ANKRD11: variants seen among roughly 807,000 people sequenced by gnomAD.
ANKRD11 encodes the protein ankyrin repeat domain-containing protein 11.
A neutral mutation model predicts 195.7 loss-of-function variants in ANKRD11; 17 were observed. The observed-to-expected ratio is 0.09, with a 90% CI of 0.06 to 0.13. ANKRD11 has a LOEUF of 0.13. Among genes scored for constraint, ANKRD11 ranks in the 10% least tolerant of loss-of-function variants. ANKRD11 has a pLI of 1.00. For missense variants in ANKRD11, 3,735 were observed against 3,566.1 expected, an observed-to-expected ratio of 1.05 and a Z score of -1.21; for synonymous variants, 1,953 against 1,528.1, an observed-to-expected ratio of 1.28 and a Z score of -6.49.
Position 89,314,090 on chromosome 16 carries a change from G to A in ANKRD11, c.87+2843C>T, listed in dbSNP as rs992494879. On this transcript the variant is annotated intron_variant, in intron 3 of 12. Coordinates refer to ENST00000301030, the MANE Select transcript of ANKRD11 (RefSeq NM_013275.6). Reference sequence around the variant, plus strand: ...GATACAAAAATGAGCCGGGTGTAGCGGTCTGCTCCTGTGGTCCCAGCTGCA... The same window carrying A: ...GATACAAAAATGAGCCGGGTGTAGCAGTCTGCTCCTGTGGTCCCAGCTGCA... 3.9e-5 allele frequency among the ~76,000 whole-genome samples: 6 copies of A among 152,192 alleles called. No homozygotes were observed. In the East Asian group the frequency reaches 7.7e-4, roughly 20 times the overall value.
In ANKRD11 at chr16:89,490,512, TC is replaced by T; in HGVS notation, c.-413del. The T allele has an allele frequency of 8.5e-6, 4 of 469,868 alleles. No homozygotes were observed. The highest frequency in any genetic ancestry group is 3.4e-5 in the South Asian group (1 of 29,696). 29.1% of individuals were successfully genotyped at this position (469,868 alleles called of 1,614,324 possible). A position where few individuals can be genotyped will look rare whatever the true frequency, so the allele number is the denominator to read the frequency against. On this transcript the variant is annotated 5_prime_UTR_variant, in exon 1 of 13. The change abolishes the stop of an existing upstream ORF in the 5' untranslated region. Transcript: ENST00000301030. Reference sequence around the variant, plus strand: ...TGGCCGCGGGCTCGGCGGCGGCGCCTCCCCGGCTGGGGCCCTCGGTCCATCG... The same window carrying T: ...TGGCCGCGGGCTCGGCGGCGGCGCCTCCCGGCTGGGGCCCTCGGTCCATCG...
At chr16:89,351,233 C>T (rs1391712344) in intron 2 of ANKRD11, among the ~76,000 whole-genome samples, 1 of 152,144 alleles carries the variant, frequency 6.6e-6, no homozygotes, top group Non-Finnish European at 1.5e-5. Context: ...AGGGGTTCCA[C>T]GGCAAAGAAT....
chr16:89,300,679 C>T (rs1489008011), intron 4 of ANKRD11: 4 of 537,594 alleles, frequency 7.4e-6, no homozygotes, highest in African/African-American at 2.0e-5. Context: ...CAGCCGTCTC[C>T]TATCTGAGGC....
intron 2 of ANKRD11, among the ~76,000 whole-genome samples, chr16:89,394,097 C>A (rs562565309): frequency 9.5e-4 from 144 of 152,274 alleles, no homozygotes; most frequent in African/African-American, 3.2e-3. Flanking sequence ...GAGACTCCAC[C>A]CATCACAGTC....
chr16:89,427,682 C>T (rs1034495851), intron 1 of ANKRD11, among the ~76,000 whole-genome samples: 3 of 151,650 alleles, frequency 2.0e-5, no homozygotes, highest in African/African-American at 4.8e-5. Flanking sequence ...GCCTGTAATC[C>T]CAGCTACTTG....
rs562839386 is a variant in ANKRD11 at position 89,284,871 on chromosome 16, C to T, written c.1671G>A (p.Pro557=). Residue 557 remains proline (P), a synonymous_variant, in exon 9 of 13, where the codon CCG becomes CCA. Transcript: ENST00000301030. ...RTDNWKTISS[P]AWSEVSSLSD... is the part of the protein sequence containing the mutation. ...ATAAAGAACTGACCTCTGACCAAGC[C>T]GGGGAAGAAATGGTTTTCCAATTGT... is the stretch of plus-strand genomic sequence containing the variant. 1.6e-4 allele frequency: 265 copies of T among 1,614,088 alleles called. 2 individuals are homozygous for T. In the South Asian group the frequency reaches 2.5e-3, roughly 15 times the overall value.
chr16:89,330,466 G>A (rs1020255136), intron 2 of ANKRD11, among the ~76,000 whole-genome samples: 6 of 152,092 alleles, frequency 3.9e-5, no homozygotes, highest in Non-Finnish European at 8.8e-5. Flanking sequence ...GCACAGACAC[G>A]GCTGCGGATG....
intron 1 of ANKRD11, chr16:89,458,747 C>G (rs1004741043): frequency 6.6e-6 from 1 of 152,216 alleles, no homozygotes; most frequent in Admixed American, 6.5e-5. Context: ...GTAACCAAAA[C>G]TTGATTTAAC....
At chr16:89,330,753 G>A (rs931887915) in intron 2 of ANKRD11, among the ~76,000 whole-genome samples, 2 of 148,148 alleles carry the variant, frequency 1.3e-5, no homozygotes, top group Non-Finnish European at 3.0e-5. Context: ...GTTCCTCCTC[G>A]GCGAGTTCCA....
chr16:89,487,645 G>A (rs1000137465), intron 1 of ANKRD11, among the ~76,000 whole-genome samples: 1 of 151,802 alleles, frequency 6.6e-6, no homozygotes, highest in African/African-American at 2.4e-5. Flanking sequence ...GTGGCGGTGG[G>A]CGCCTGTAAT....
At chr16:89,471,831 A>C (rs922702687) in intron 1 of ANKRD11, among the ~76,000 whole-genome samples, 9 of 151,156 alleles carry the variant, frequency 6.0e-5, no homozygotes, top group Non-Finnish European at 7.4e-5. Flanking sequence ...TTTACCACCC[A>C]AATCAACTCA....
rs757615498 is a variant in ANKRD11 at position 89,279,971 on chromosome 16, G to A, written c.6571C>T (p.Pro2191Ser). 3.7e-5 allele frequency: 59 copies of A among 1,610,602 alleles called. No homozygotes were observed. The Admixed American group carries it at 4.2e-4, about 11-fold the overall frequency. Reference sequence around the variant, plus strand: ...AGCCGGGTGGAGGCCTGGTCAGGAGGCAGTGCCGGCGGCTCCTCAGCCACT... The same window carrying A: ...AGCCGGGTGGAGGCCTGGTCAGGAGACAGTGCCGGCGGCTCCTCAGCCACT... ...TVVAEEPPAL[P>S]PDQASTRLPA... Residue 2191 changes from proline (P) to serine (S), a missense_variant, in exon 9 of 13, where the codon CCT becomes TCT. Coordinates refer to ENST00000301030, the MANE Select transcript of ANKRD11 (RefSeq NM_013275.6). The surrounding 1 kb of genome is among the most constrained non-coding windows in gnomAD (Gnocchi z 5.6).
intron 4 of ANKRD11, among the ~76,000 whole-genome samples, chr16:89,295,592 G>A (rs954513838): frequency 4.6e-5 from 7 of 152,202 alleles, no homozygotes; most frequent in African/African-American, 1.4e-4. Context: ...GGGCAGCAGG[G>A]GCCACAGTGG....
Position 89,280,541 on chromosome 16 carries a change from G to T in ANKRD11, c.6001C>A (p.His2001Asn), listed in dbSNP as rs1567560327. 11 of 1,612,572 alleles carry T rather than the reference G, an allele frequency of 6.8e-6. No homozygotes were observed. The highest frequency in any genetic ancestry group is 1.7e-5 in the Admixed American group (1 of 59,976). ...PKRFCPADPLHSAAPGPFSAS... is the reference protein window; with the variant it reads ...PKRFCPADPLNSAAPGPFSAS... ...CTGAAGGGCCCTGGGGCGGCAGAGTGGAGGGGGTCCGCGGGGCAGAAACGC... is the reference window on the plus strand; with the variant it reads ...CTGAAGGGCCCTGGGGCGGCAGAGTTGAGGGGGTCCGCGGGGCAGAAACGC... Residue 2001 changes from histidine (H) to asparagine (N), a missense_variant, in exon 9 of 13, where the codon CAC becomes AAC. By Grantham distance (68) the His-to-Asn change is moderately conservative. Coordinates refer to ENST00000301030, the MANE Select transcript of ANKRD11 (RefSeq NM_013275.6).
At chr16:89,323,353 C>T in intron 2 of ANKRD11, 1 of 1,288,238 alleles carries the variant, frequency 7.8e-7, no homozygotes. Flanking sequence ...AGAAGCACCA[C>T]TGGCCTCTCA....
chr16:89,313,304 T>G, intron 3 of ANKRD11: 1 of 1,286,796 alleles, frequency 7.8e-7, no homozygotes, highest in Non-Finnish European at 1.0e-6. Flanking sequence ...CTGTTCTCTG[T>G]AGCCCTGCAC....
intron 2 of ANKRD11, among the ~76,000 whole-genome samples, chr16:89,318,104 TC>T: frequency 6.6e-6 from 1 of 152,266 alleles, no homozygotes; most frequent in Non-Finnish European, 1.5e-5. Context: ...TGCTTCCGAC[TC>T]CCACCCCCGT....
intron 1 of ANKRD11, among the ~76,000 whole-genome samples, chr16:89,474,458 T>C (rs1018862847): frequency 4.7e-5 from 7 of 149,658 alleles, no homozygotes; most frequent in African/African-American, 1.5e-4. Flanking sequence ...CTCTACCTTA[T>C]GTAAAAAAAA....
intron 1 of ANKRD11, among the ~76,000 whole-genome samples, chr16:89,482,987 A>G (rs918395127): frequency 1.3e-5 from 2 of 152,234 alleles, no homozygotes; most frequent in African/African-American, 4.8e-5. Flanking sequence ...TTAGGCTTCT[A>G]ATCAACAGAA....
Sources: allele counts gnomAD v4.1 joint callset (sites outside exome capture counted in the v4.1 genomes callset), GRCh38; gene constraint gnomAD v4.1.1; non-coding constraint Gnocchi (gnomAD v3.1); transcripts MANE v1.5; gene names NCBI Gene and HGNC (gene_info 2026-07-23, HGNC 2026-07-21).